PDE11A: variants seen among roughly 807,000 people sequenced by gnomAD.
PDE11A encodes the protein dual 3',5'-cyclic-AMP and -GMP phosphodiesterase 11A.
PDE11A carries 100 observed loss-of-function variants against 100.5 expected under a neutral mutation model. That is an observed-to-expected ratio of 1.00 (90% CI 0.85 to 1.18). PDE11A has a LOEUF of 1.18. PDE11A is among the 50% of genes most tolerant of loss of function. PDE11A has a pLI of 0.00. For missense variants in PDE11A, 1,141 were observed against 1,152.6 expected (o/e 0.99, Z 0.15); for synonymous variants, 381 against 420.8 (o/e 0.91, Z 1.16).
At chr2:177,715,622 A>T (rs75618101) in intron 12 of PDE11A, among the ~76,000 whole-genome samples, 261 of 152,114 alleles carry the variant, frequency 1.7e-3, no homozygotes, top group African/African-American at 5.9e-3. Flanking sequence ...CTTTCCAGGC[A>T]TAATAATATG....
At chr2:178,040,808 A>G (rs1229402834) in intron 1 of PDE11A, among the ~76,000 whole-genome samples, 1 of 152,188 alleles carries the variant, frequency 6.6e-6, no homozygotes, top group Non-Finnish European at 1.5e-5. Flanking sequence ...CCTTCTTTAC[A>G]GTTCTTTCTA....
intron 2 of PDE11A, among the ~76,000 whole-genome samples, chr2:177,913,719 AACTT>A (rs2084914114): frequency 6.6e-6 from 1 of 152,116 alleles, no homozygotes; most frequent in Non-Finnish European, 1.5e-5. Context: ...ATTCAAAGAG[AACTT>A]ACTTCATTCA....
intron 2 of PDE11A, chr2:177,997,440 A>G (rs1422004631): frequency 4.8e-6 from 4 of 827,756 alleles, no homozygotes; most frequent in Non-Finnish European, 8.6e-6. Flanking sequence ...GGTTTCCAGG[A>G]TAGTGTTACT....
rs1295616573 is a variant in PDE11A, at chr2:178,071,825, A to G, written c.613T>C (p.Phe205Leu). 4.3e-6 allele frequency: 7 copies of G among 1,614,062 alleles called. No individual in the cohort carries two copies. Among genetic ancestry groups the G allele is most frequent in the South Asian group, 1.1e-5 (1 of 91,078 alleles). ...GAGATATCTTTGACCAATTCCAGAA[A>G]GAACTGACGCTCATTATGCTTTTTC... ...HLKKHNERQF[F>L]LELVKDISND... The change falls in exon 1 of 20, where the codon TTT (phenylalanine) becomes CTT (leucine). Residue 205 changes from phenylalanine to leucine, a missense_variant. Phe to Leu is a conservative substitution (Grantham distance 22). Coordinates refer to ENST00000286063, the MANE Select transcript of PDE11A (RefSeq NM_016953.4).
intron 1 of PDE11A, among the ~76,000 whole-genome samples, chr2:178,053,022 G>C (rs1215627310): frequency 1.3e-5 from 2 of 152,176 alleles, no homozygotes; most frequent in African/African-American, 4.8e-5. Context: ...TATGAGGCCA[G>C]CATCTTCCTG....
At chr2:177,769,658 G>A (rs896163562) in intron 9 of PDE11A, among the ~76,000 whole-genome samples, 2 of 152,066 alleles carry the variant, frequency 1.3e-5, no homozygotes, top group African/African-American at 4.8e-5. Context: ...AGGGCAAGAT[G>A]GGCAGATCAC....
At chr2:177,840,985 A>G (rs541244599) in intron 5 of PDE11A, among the ~76,000 whole-genome samples, 1 of 152,348 alleles carries the variant, frequency 6.6e-6, no homozygotes, top group South Asian at 2.1e-4. Flanking sequence ...GTTTCTTAAC[A>G]ATAGCCCATA....
chr2:177,889,388 C>T (rs976814792), intron 4 of PDE11A, among the ~76,000 whole-genome samples: 2 of 152,142 alleles, frequency 1.3e-5, no homozygotes, highest in African/African-American at 2.4e-5. Context: ...GCTAAGCAGT[C>T]GGTATCAGTT....
Position 177,670,555 on chromosome 2 carries a change from C to T in PDE11A, c.2488-988G>A, listed in dbSNP as rs138789289. Among the ~76,000 whole-genome samples, 192 of 152,146 alleles carry T rather than the reference C, an allele frequency of 1.3e-3. 1 individual carries two copies. Among genetic ancestry groups the T allele is most frequent in the South Asian group, 0.012 (57 of 4,818 alleles). On this transcript the variant is annotated intron_variant, in intron 17 of 19. Transcript: ENST00000286063. ...AAATATTGGAAGAGTAGAATAAATC[C>T]CAGACAACTTCATGGTAAGAGGGCA...
intron 2 of PDE11A, among the ~76,000 whole-genome samples, chr2:177,920,923 G>A (rs1009973551): frequency 6.6e-6 from 1 of 151,858 alleles, no homozygotes; most frequent in African/African-American, 2.4e-5. Context: ...TTAGCCGGGC[G>A]TGGTGGTGGG....
chr2:177,970,301 G>A (rs2085753578), intron 2 of PDE11A, among the ~76,000 whole-genome samples: 1 of 152,102 alleles, frequency 6.6e-6, no homozygotes, highest in Admixed American at 6.5e-5. Context: ...AGCAATAGTA[G>A]TCCAGAGAGT....
At chr2:178,050,446 TCTC>T (rs2086808965) in intron 1 of PDE11A, among the ~76,000 whole-genome samples, 1 of 152,082 alleles carries the variant, frequency 6.6e-6, no homozygotes, top group Non-Finnish European at 1.5e-5. Flanking sequence ...GAGTGCCTCT[TCTC>T]CTCTAACGGA....
intron 19 of PDE11A, among the ~76,000 whole-genome samples, chr2:177,647,631 T>C (rs7573440): frequency 0.066 from 10,111 of 152,220 alleles, 930 homozygotes; most frequent in African/African-American, 0.21. Context: ...CAGACATGCT[T>C]AGTTCTGAGA....
intron 4 of PDE11A, among the ~76,000 whole-genome samples, chr2:177,890,806 A>G (rs1262390304): frequency 6.6e-6 from 1 of 152,190 alleles, no homozygotes; most frequent in Non-Finnish European, 1.5e-5. Context: ...TCAAAAGGAG[A>G]AAATTCAAAG....
intron 2 of PDE11A, among the ~76,000 whole-genome samples, chr2:178,089,878 G>A (rs545372604): frequency 1.3e-5 from 2 of 152,294 alleles, no homozygotes; most frequent in East Asian, 1.9e-4. Flanking sequence ...GGAATGGCCT[G>A]AAAAACCTAG....
At chr2:177,832,439 A>G (rs1299885545) in intron 6 of PDE11A, among the ~76,000 whole-genome samples, 5 of 152,152 alleles carry the variant, frequency 3.3e-5, no homozygotes, top group African/African-American at 9.7e-5. Flanking sequence ...GCCCTCGAAC[A>G]TCGGTCTCCA....
intron 2 of PDE11A, among the ~76,000 whole-genome samples, chr2:177,933,110 C>T (rs1287582208): frequency 1.3e-5 from 2 of 151,160 alleles, no homozygotes; most frequent in Non-Finnish European, 3.0e-5. Context: ...CCTAGGAATA[C>T]ATCTAACCAA....
At chr2:177,863,498 A>G (rs2083978051) in intron 5 of PDE11A, among the ~76,000 whole-genome samples, 1 of 152,094 alleles carries the variant, frequency 6.6e-6, no homozygotes, top group African/African-American at 2.4e-5. Context: ...AAAAACAAAC[A>G]GCCCAATCCA....
At chr2:177,767,534 G>A (rs1471887002) in intron 10 of PDE11A, among the ~76,000 whole-genome samples, 1 of 151,996 alleles carries the variant, frequency 6.6e-6, no homozygotes, top group African/African-American at 2.4e-5. Context: ...ATTTTAGCAG[G>A]AACTGGATAT....
Sources: allele counts gnomAD v4.1 joint callset (sites outside exome capture counted in the v4.1 genomes callset), GRCh38; gene constraint gnomAD v4.1.1; transcripts MANE v1.5; gene names NCBI Gene and HGNC (gene_info 2026-07-23, HGNC 2026-07-21).